Variants in C4orf33 observed in about 807,000 individuals in gnomAD.
The protein encoded by C4orf33 is UPF0462 protein C4orf33.
A neutral mutation model predicts 24.3 loss-of-function variants in C4orf33; 20 were observed. The ratio of observed to expected loss-of-function variants is 0.82; its 90% CI spans 0.58 to 1.19. The LOEUF (loss-of-function observed/expected upper bound fraction) is 1.19, where lower values mean the gene tolerates loss of function less well. Ranked by LOEUF, C4orf33 falls within the 50% of genes most tolerant of loss-of-function variation. C4orf33 has a pLI of 0.00. For missense variants in C4orf33, 207 were observed against 225.9 expected (o/e 0.92, Z 0.54); for synonymous variants, 67 against 76.4 (o/e 0.88, Z 0.64).
At position 129,111,730 on chromosome 4, in the gene C4orf33, T is replaced by G. The variant is rs758719511; in HGVS notation, c.539T>G (p.Leu180Arg). ...YFKSFNFNTL[L>R]GEEWKQPESD... ...AAGTCTTTCAATTTTAACACACTGC[T>G]TGGAGAAGAGTGGAAACAACCGGAA... Residue 180 changes from leucine (L) to arginine (R), a missense_variant, in exon 6 of 6, where the codon CTT (leucine) becomes CGT (arginine). Physicochemically the swap from Leu to Arg is moderately radical, Grantham distance 102 (BLOSUM62 -2). Transcript: ENST00000425929. 3 of 1,613,188 alleles carry G rather than the reference T, an allele frequency of 1.9e-6. No individual in the cohort carries two copies. The highest frequency in any genetic ancestry group is 2.5e-6 in the Non-Finnish European group (3 of 1,179,380).
At chr4:129,102,078 AT>A (rs1327586495) in intron 1 of C4orf33, 2 of 152,102 alleles carry the variant, frequency 1.3e-5, no homozygotes, top group Non-Finnish European at 2.9e-5. Flanking sequence ...ACTAAGTTGA[AT>A]TTTATTATAA....
At chr4:129,109,110 T>C (rs1580015755) in intron 3 of C4orf33, among the ~76,000 whole-genome samples, 197 bp from the exon 4 acceptor site, 1 of 152,292 alleles carries the variant, frequency 6.6e-6, no homozygotes, top group South Asian at 2.1e-4. Flanking sequence ...AGGATGGTCT[T>C]GATCTCCTGA....
Position 129,102,657 on chromosome 4 carries a change from A to T in C4orf33, c.47A>T (p.His16Leu). 3.7e-6 allele frequency: 6 copies of T among 1,614,036 alleles called. No individual in the cohort carries two copies. The highest frequency in any genetic ancestry group is 5.1e-6 in the Non-Finnish European group (6 of 1,179,936). The part of the protein sequence containing the change: ...EHTWDGFPVK[H>L]EPVFIRLNPG... The stretch of plus-strand genomic sequence containing the variant: ...ACTTGGGATGGTTTTCCAGTGAAGC[A>T]TGAGCCCGTATTTATCAGGCTGAAT... The change falls in exon 2 of 6, where the codon CAT (histidine) becomes CTT (leucine). Residue 16 changes from histidine (H) to leucine (L), a missense_variant. His to Leu is a moderately conservative substitution (Grantham distance 99, BLOSUM62 -3). Coordinates refer to ENST00000425929, the MANE Select transcript of C4orf33 (RefSeq NM_001099783.2).
chr4:129,108,163 T>A (rs1333554990), intron 3 of C4orf33, among the ~76,000 whole-genome samples: 1 of 152,124 alleles, frequency 6.6e-6, no homozygotes, highest in African/African-American at 2.4e-5. Context: ...ATAAAAATAA[T>A]CAGAAGACTT....
rs1331928297 is a variant in C4orf33, at chr4:129,110,673, T to C, written c.494+1001T>C. On this transcript the variant is annotated intron_variant, in intron 5 of 5. Transcript: ENST00000425929. ...TGTGCTGCATCGTCCTTCCTCTCCC[T>C]GTTTGCCTTCTCCTTCCTGCCATGC... Among the ~76,000 whole-genome samples the C allele has an allele frequency of 2.6e-5, 4 of 151,506 alleles. No homozygotes were observed. The East Asian group carries it at 7.7e-4, about 29-fold the overall frequency.
upstream of C4orf33, chr4:129,094,077 G>A (rs920018431): frequency 1.3e-5 from 2 of 152,162 alleles, no homozygotes; most frequent in Admixed American, 1.3e-4. Context: ...GGAGACAACT[G>A]TTGTTTAAAT....
At chr4:129,107,666 T>C (rs1167754474) in intron 3 of C4orf33, among the ~76,000 whole-genome samples, 2 of 152,072 alleles carry the variant, frequency 1.3e-5, no homozygotes. Flanking sequence ...AAATTTGTTA[T>C]TGAAAAATAT....
intron 1 of C4orf33, among the ~76,000 whole-genome samples, chr4:129,098,829 T>C (rs1237888503): frequency 6.6e-6 from 1 of 152,194 alleles, no homozygotes; most frequent in Admixed American, 6.5e-5. Flanking sequence ...TTTTAAACCA[T>C]ATAAGGTAAC....
At position 129,116,425 on chromosome 4, in the gene C4orf33, T is replaced by G. The variant is rs999335980; in HGVS notation, c.*4634T>G. The G allele has an allele frequency of 6.6e-6, 1 of 152,190 alleles. No individual in the cohort carries two copies. The highest frequency in any genetic ancestry group is 1.9e-4 in the East Asian group (1 of 5,194). 9.4% of individuals were successfully genotyped at this position (152,190 alleles called of 1,614,324 possible). On this transcript the variant is annotated 3_prime_UTR_variant, in exon 6 of 6. Transcript: ENST00000425929. ...CAGAGAATGCAAGGTTTAGTAAAAA[T>G]TTATTTTCTTTTGGCAGCCTATCAC...
At chr4:129,109,935 T>C in intron 5 of C4orf33, 1 of 1,207,360 alleles carries the variant, frequency 8.3e-7, no homozygotes, top group Non-Finnish European at 1.0e-6. Context: ...GAAAAGTAAA[T>C]GTTGTAATAG....
At chr4:129,102,889 T>C in intron 2 of C4orf33, 98 bp downstream of exon 2, 3 of 1,077,866 alleles carry the variant, frequency 2.8e-6, no homozygotes, top group Middle Eastern at 4.6e-4. Flanking sequence ...AGTAAGTGCT[T>C]CTGAGCAATT....
chr4:129,109,215 G>A lies in C4orf33; in HGVS notation c.243-92G>A. 6 of 1,259,832 alleles carry A rather than the reference G, an allele frequency of 4.8e-6. No homozygotes were observed. The South Asian group carries it at 7.3e-5, about 15-fold the overall frequency. 78.0% of individuals were successfully genotyped at this position (1,259,832 alleles called of 1,614,324 possible). A position where few individuals can be genotyped will look rare whatever the true frequency, so the allele number is the denominator to read the frequency against. ...CATCTTTTAATTATTTGGAAAATTA[G>A]TTGCAAGCACACACATTCCATGTAT... On this transcript the variant is annotated intron_variant, in intron 3 of 5. Coordinates refer to ENST00000425929, the MANE Select transcript of C4orf33 (RefSeq NM_001099783.2).
At chr4:129,106,775 A>T (rs1753532404) in intron 3 of C4orf33, 128 bp downstream of exon 3, 3 of 512,582 alleles carry the variant, frequency 5.9e-6, no homozygotes, top group Non-Finnish European at 1.0e-5. Context: ...TGCTTGAATG[A>T]TATGCTTTTA....
intron 2 of C4orf33, among the ~76,000 whole-genome samples, chr4:129,103,374 A>G: frequency 6.6e-6 from 1 of 152,026 alleles, no homozygotes; most frequent in Non-Finnish European, 1.5e-5. Flanking sequence ...TCTGTTACCT[A>G]TGCTGAGAAG....
At chr4:129,095,620 G>A (rs182933354), upstream of C4orf33, among the ~76,000 whole-genome samples, 15 of 152,198 alleles carry the variant, frequency 9.9e-5, no homozygotes, top group Non-Finnish European at 1.9e-4. Flanking sequence ...ACATTCATTT[G>A]GTTGATCAAT....
chr4:129,109,780 C>G, intron 5 of C4orf33, 108 bp downstream of exon 5: 1 of 1,011,752 alleles, frequency 9.9e-7, no homozygotes, highest in African/African-American at 1.6e-5. Flanking sequence ...GACATATGTG[C>G]ACAAGTATCT....
intron 3 of C4orf33, 37 bp downstream of exon 3, chr4:129,106,684 T>G (rs755241152): frequency 9.4e-7 from 1 of 1,064,758 alleles, no homozygotes; most frequent in Non-Finnish European, 1.4e-6. Flanking sequence ...TATTACTACA[T>G]AATTTGAACG....
chr4:129,098,553 TGCAGGG>T (rs1290981751), intron 1 of C4orf33, among the ~76,000 whole-genome samples: 2 of 152,248 alleles, frequency 1.3e-5, no homozygotes, highest in Non-Finnish European at 2.9e-5. Context: ...TCTCTACTAA[TGCAGGG>T]AAAGCCCAGA....
intron 1 of C4orf33, among the ~76,000 whole-genome samples, chr4:129,098,856 G>C (rs1024007032): frequency 6.7e-6 from 1 of 150,292 alleles, no homozygotes; most frequent in Non-Finnish European, 1.5e-5. Context: ...GAGTTGCCAT[G>C]GCATTTGTAA....
Sources: allele counts gnomAD v4.1 joint callset (sites outside exome capture counted in the v4.1 genomes callset), GRCh38; gene constraint gnomAD v4.1.1; transcripts MANE v1.5; gene names NCBI Gene and HGNC (gene_info 2026-07-23, HGNC 2026-07-21).